The following RAP1GDS1 variants were observed in gnomAD, a reference collection of about 807,000 sequenced individuals.
RAP1GDS1 encodes the protein Rap1 GTPase-GDP dissociation stimulator 1.
RAP1GDS1 carries 35 observed loss-of-function variants against 71.1 expected under a neutral mutation model. That is an observed-to-expected ratio of 0.49 (90% confidence interval 0.38 to 0.65). The LOEUF (loss-of-function observed/expected upper bound fraction) is 0.65. RAP1GDS1 is among the 30% of genes least tolerant of loss of function. The probability of loss-of-function intolerance (pLI) is 0.00; values close to 1 mark genes in which losing one functional copy is unlikely to be tolerated. For synonymous variants in RAP1GDS1, 229 were observed against 243.1 expected (o/e 0.94, Z 0.54); for missense variants, 663 against 706.1 (o/e 0.94, Z 0.69).
chr4:98,395,668 C>T (rs1244541810), intron 6 of RAP1GDS1, among the ~76,000 whole-genome samples: 3 of 152,146 alleles, frequency 2.0e-5, no homozygotes, highest in African/African-American at 4.8e-5. Flanking sequence ...GTTAACCAAC[C>T]CTTTTTAAAC....
intron 4 of RAP1GDS1, among the ~76,000 whole-genome samples, chr4:98,376,092 A>G (rs1436663311): frequency 1.3e-5 from 2 of 152,140 alleles, no homozygotes; most frequent in Admixed American, 6.6e-5. Context: ...AAGAATGATC[A>G]TACTTGTGCT....
intron 2 of RAP1GDS1, among the ~76,000 whole-genome samples, chr4:98,325,236 C>A (rs1732809772): frequency 6.6e-6 from 1 of 151,244 alleles, no homozygotes; most frequent in Admixed American, 6.6e-5. Flanking sequence ...CATCTCACAC[C>A]AGTTAGAATG....
chr4:98,400,539 A>C (rs1044838218), intron 6 of RAP1GDS1, among the ~76,000 whole-genome samples: 2 of 151,188 alleles, frequency 1.3e-5, no homozygotes, highest in African/African-American at 2.4e-5. Flanking sequence ...AAAAAAAAAA[A>C]AAAAAAAACG....
intron 1 of RAP1GDS1, among the ~76,000 whole-genome samples, chr4:98,272,057 T>G (rs914627103): frequency 2.6e-5 from 4 of 152,132 alleles, no homozygotes; most frequent in Non-Finnish European, 5.9e-5. Flanking sequence ...GATGCCACAC[T>G]GGGAACAGCA....
chr4:98,311,607 A>AAT (rs1716723219), intron 2 of RAP1GDS1, among the ~76,000 whole-genome samples: 1 of 152,162 alleles, frequency 6.6e-6, no homozygotes, highest in African/African-American at 2.4e-5. Flanking sequence ...TATGATAAGA[A>AAT]ATATATATGT....
In RAP1GDS1 at chr4:98,272,012, G is replaced by A. The variant is rs556317546; in HGVS notation, c.4+10443G>A. Among the ~76,000 whole-genome samples, 4 of 152,168 alleles carry A rather than the reference G, an allele frequency of 2.6e-5. No homozygotes were observed. The South Asian group carries it at 8.3e-4, about 32-fold the overall frequency. On this transcript the variant is annotated intron_variant, in intron 1 of 14. Transcript: ENST00000408927. ...GTTCTGGTTCAATAGATGTGGGGTG[G>A]GCTGAGAATTTGCATTGTCAAGACC...
At chr4:98,387,059 T>C (rs1446287012) in intron 5 of RAP1GDS1, among the ~76,000 whole-genome samples, 1 of 152,176 alleles carries the variant, frequency 6.6e-6, no homozygotes, top group African/African-American at 2.4e-5. Context: ...TCAACTATGC[T>C]CAACTCATTT....
chr4:98,309,084 T>C (rs1184701873), intron 2 of RAP1GDS1, among the ~76,000 whole-genome samples: 1 of 152,122 alleles, frequency 6.6e-6, no homozygotes, highest in African/African-American at 2.4e-5. Flanking sequence ...AATGTAGTTT[T>C]ACACAGATTC....
In RAP1GDS1 at chr4:98,352,614, A is replaced by G. The variant is rs751196005; in HGVS notation, c.361+13A>G. ...TGTTACGATAGCCGTAAGTGTTGAC[A>G]TCTCAATAATACACATACATTTTTA... On this transcript the variant is annotated intron_variant, in intron 4 of 14. Transcript: ENST00000408927. 1.9e-6 allele frequency: 3 copies of G among 1,612,800 alleles called. No homozygotes were observed. The highest frequency in any genetic ancestry group is 2.5e-6 in the Non-Finnish European group (3 of 1,179,478).
chr4:98,279,210 C>G (rs1253416781), intron 1 of RAP1GDS1, among the ~76,000 whole-genome samples: 1 of 151,806 alleles, frequency 6.6e-6, no homozygotes, highest in Non-Finnish European at 1.5e-5. Flanking sequence ...GGCGACAGAG[C>G]AAGACTCTGT....
intron 3 of RAP1GDS1, among the ~76,000 whole-genome samples, chr4:98,351,106 C>T (rs1406575808): frequency 6.6e-6 from 1 of 152,136 alleles, no homozygotes; most frequent in African/African-American, 2.4e-5. Context: ...TATAGATGGT[C>T]ATTGAATTCA....
Position 98,309,393 on chromosome 4 carries a change from A to G in RAP1GDS1, c.112+15878A>G, listed in dbSNP as rs557518368. 3.9e-5 allele frequency among the ~76,000 whole-genome samples: 6 copies of G among 152,132 alleles called. 1 individual carries two copies. The South Asian group carries it at 1.2e-3, about 32-fold the overall frequency. On this transcript the variant is annotated intron_variant, in intron 2 of 14. Transcript: ENST00000408927. ...GGAATTTGTTTTATACCAAATTTAT[A>G]AATCTGTTATTTCATTTTTTATTTT...
chr4:98,305,674 T>C (rs1397381790), intron 2 of RAP1GDS1, among the ~76,000 whole-genome samples: 1 of 152,160 alleles, frequency 6.6e-6, no homozygotes, highest in African/African-American at 2.4e-5. Context: ...TCCGATATGC[T>C]CTGAAGCACT....
chr4:98,342,288 A>G (rs1346876556), intron 2 of RAP1GDS1, among the ~76,000 whole-genome samples: 4 of 152,196 alleles, frequency 2.6e-5, no homozygotes, highest in Non-Finnish European at 5.9e-5. Context: ...TCTAAAGGAC[A>G]TAGAGGAGCT....
chr4:98,409,080 CATTT>C (rs1746602542), intron 7 of RAP1GDS1, among the ~76,000 whole-genome samples: 1 of 152,130 alleles, frequency 6.6e-6, no homozygotes, highest in South Asian at 2.1e-4. Context: ...AACTCTCATT[CATTT>C]ATGATGTGAT....
intron 1 of RAP1GDS1, among the ~76,000 whole-genome samples, chr4:98,290,115 T>C (rs1437999268): frequency 2.6e-5 from 4 of 152,142 alleles, no homozygotes; most frequent in African/African-American, 7.2e-5. Context: ...TGTCCAAAGA[T>C]AACAAACACA....
intron 5 of RAP1GDS1, among the ~76,000 whole-genome samples, chr4:98,385,128 C>T (rs1403555933): frequency 1.3e-5 from 2 of 151,610 alleles, no homozygotes; most frequent in African/African-American, 4.8e-5. Flanking sequence ...TGATTTCATC[C>T]TTACAAGATG....
intron 2 of RAP1GDS1, among the ~76,000 whole-genome samples, chr4:98,337,942 A>C (rs1250114149): frequency 6.6e-6 from 1 of 152,206 alleles, no homozygotes; most frequent in Non-Finnish European, 1.5e-5. Context: ...AAAAATTTAA[A>C]GGAATGACAT....
intron 1 of RAP1GDS1, among the ~76,000 whole-genome samples, chr4:98,265,315 T>C (rs559792017): frequency 2.6e-5 from 4 of 152,272 alleles, no homozygotes; most frequent in South Asian, 2.1e-4. Flanking sequence ...CTGATACATA[T>C]TCAGTTAACA....
Sources: gnomAD v4.1 joint callset for allele counts (sites outside exome capture counted in the v4.1 genomes callset) on GRCh38, gnomAD v4.1.1 for gene constraint, MANE v1.5 for transcripts, NCBI Gene and HGNC (gene_info 2026-07-23, HGNC 2026-07-21) for gene names.